The following TENM4 variants were observed in gnomAD, a reference collection of about 807,000 sequenced individuals.
The protein encoded by TENM4 is teneurin transmembrane protein 4, also known as teneurin-4.
In TENM4, 82 loss-of-function variants were observed where a neutral mutation model predicts 243.3. That is an observed-to-expected ratio of 0.34 (90% CI 0.28 to 0.40). The LOEUF is 0.40. Ranked by LOEUF, TENM4 falls within the 10% of genes least tolerant of loss-of-function variation. The pLI is 1.00. For missense variants in TENM4, 3,138 were observed against 3,673.3 expected, an observed-to-expected ratio of 0.85 and a Z score of 3.77; for synonymous variants, 1,412 against 1,456.3, an observed-to-expected ratio of 0.97 and a Z score of 0.69.
intron 23 of TENM4, among the ~76,000 whole-genome samples, chr11:78,723,903 C>T (rs1485940364): frequency 6.6e-6 from 1 of 152,106 alleles, no homozygotes; most frequent in Non-Finnish European, 1.5e-5. Context: ...AAAGTTTGTA[C>T]TTTGTTAGGT....
chr11:78,674,910 G>C (rs954662625), intron 30 of TENM4, among the ~76,000 whole-genome samples: 6 of 151,816 alleles, frequency 4.0e-5, no homozygotes, highest in Non-Finnish European at 8.8e-5. Flanking sequence ...CTGTCGCCCA[G>C]GCTGGAGTGC....
At chr11:78,882,932 T>A (rs1855463770) in intron 9 of TENM4, among the ~76,000 whole-genome samples, 1 of 152,228 alleles carries the variant, frequency 6.6e-6, no homozygotes, top group Non-Finnish European at 1.5e-5. Context: ...TGCAACCTAA[T>A]TTAAGAAAGG....
intron 12 of TENM4, among the ~76,000 whole-genome samples, chr11:78,840,185 A>G (rs1858221450): frequency 6.6e-6 from 1 of 152,236 alleles, no homozygotes; most frequent in Non-Finnish European, 1.5e-5. Flanking sequence ...GCGTGCACTT[A>G]CAGGCCTGAG....
At chr11:78,728,517 C>T (rs12799814) in intron 22 of TENM4, among the ~76,000 whole-genome samples, 3 of 151,666 alleles carry the variant, frequency 2.0e-5, no homozygotes, top group African/African-American at 7.3e-5. Flanking sequence ...CCTCCCTTCC[C>T]TCTTCCCGCC....
chr11:79,009,142 T>C (rs1354387151), intron 6 of TENM4, among the ~76,000 whole-genome samples: 1 of 152,200 alleles, frequency 6.6e-6, no homozygotes, highest in Non-Finnish European at 1.5e-5. Flanking sequence ...TTTTTACCAA[T>C]TTGTTATTCC....
rs755248479 is a variant in TENM4 at position 78,729,595 on chromosome 11, A to G, written c.3187T>C (p.Tyr1063His). 2.5e-6 allele frequency: 4 copies of G among 1,613,490 alleles called. No homozygotes were observed. The South Asian group carries it at 3.3e-5, about 13-fold the overall frequency. The part of the protein sequence containing the change: ...SISGCKMRLS[Y>H]LSSRTPGYKS... ...TAGCCAGGGGTCCGGCTGCTCAGGT[A>G]GCTCAGCCTCATCTTGCAGCCAGAG... Residue 1063 changes from tyrosine to histidine, a missense_variant, in exon 22 of 34, where the codon TAC (tyrosine) becomes CAC (histidine). Coordinates refer to ENST00000278550, the MANE Select transcript of TENM4 (RefSeq NM_001098816.3).
At chr11:79,015,301 T>C (rs947581545) in intron 6 of TENM4, among the ~76,000 whole-genome samples, 1 of 152,188 alleles carries the variant, frequency 6.6e-6, no homozygotes, top group African/African-American at 2.4e-5. Flanking sequence ...TCTAAGCCAC[T>C]GCAATCTCAA....
intron 2 of TENM4, among the ~76,000 whole-genome samples, chr11:79,232,517 C>T (rs997726890): frequency 6.6e-6 from 1 of 152,168 alleles, no homozygotes; most frequent in Non-Finnish European, 1.5e-5. Context: ...TGGCAGCTGG[C>T]CCATTTATTA....
chr11:79,217,696 C>T (rs1864079276), intron 2 of TENM4, among the ~76,000 whole-genome samples: 1 of 152,054 alleles, frequency 6.6e-6, no homozygotes, highest in African/African-American at 2.4e-5. Context: ...TCTCCAGAGA[C>T]TGGCTCTTGA....
chr11:78,855,967 T>A lies in TENM4; in HGVS notation c.1467A>T (p.Thr489=), dbSNP rs373578158. 2 of 1,551,190 alleles carry A rather than the reference T, an allele frequency of 1.3e-6. No individual in the cohort carries two copies. The highest frequency in any genetic ancestry group is 2.7e-5 in the African/African-American group (2 of 73,028). Residue 489 remains threonine, a synonymous_variant, in exon 11 of 34, where the codon ACA becomes ACT. Coordinates refer to ENST00000278550, the MANE Select transcript of TENM4 (RefSeq NM_001098816.3). ...YGRKGLPPSH[T]QFDFVELLDG... is the part of the protein sequence containing the mutation. ...GGGTATGTGGGGTTCTGGTTACCTGTGTATGTGAAGGAGGGAGGCCTTTTC... is the reference window on the plus strand; with the variant it reads ...GGGTATGTGGGGTTCTGGTTACCTGAGTATGTGAAGGAGGGAGGCCTTTTC...
chr11:79,003,117 AAAG>A (rs1858375982), intron 6 of TENM4, among the ~76,000 whole-genome samples: 1 of 152,226 alleles, frequency 6.6e-6, no homozygotes, highest in Non-Finnish European at 1.5e-5. Context: ...AAAAAAGAAG[AAAG>A]AAGAATGAAC....
intron 2 of TENM4, among the ~76,000 whole-genome samples, chr11:79,252,747 G>T (rs1269132371): frequency 6.6e-6 from 1 of 152,154 alleles, no homozygotes; most frequent in Non-Finnish European, 1.5e-5. Flanking sequence ...CTGCTGCCAT[G>T]AAAAGAATGT....
At chr11:78,728,883 C>T (rs1284311100) in intron 22 of TENM4, among the ~76,000 whole-genome samples, 4 of 152,104 alleles carry the variant, frequency 2.6e-5, no homozygotes, top group African/African-American at 9.7e-5. Flanking sequence ...ACTTCTGTTT[C>T]ATCTTACAAA....
chr11:79,398,801 G>T (rs569078280), intron 1 of TENM4, among the ~76,000 whole-genome samples: 3 of 143,680 alleles, frequency 2.1e-5, no homozygotes, highest in African/African-American at 7.7e-5. Context: ...GGAGATGGAA[G>T]ACAGATAAGG....
chr11:79,335,231 C>G (rs1857127975), intron 1 of TENM4, among the ~76,000 whole-genome samples: 1 of 152,178 alleles, frequency 6.6e-6, no homozygotes, highest in African/African-American at 2.4e-5. Context: ...GCTACAGAAC[C>G]TGACAGGTCT....
chr11:79,427,393 T>C lies in TENM4; in HGVS notation c.-321+13116A>G, dbSNP rs115369594. On this transcript the variant is annotated intron_variant, in intron 1 of 33. Coordinates refer to ENST00000278550, the MANE Select transcript of TENM4 (RefSeq NM_001098816.3). ...AGAAAATTAGTTAAATAAATAATGGTATATCCTTATGAGGGAATACTACAT... is the reference window on the plus strand; with the variant it reads ...AGAAAATTAGTTAAATAAATAATGGCATATCCTTATGAGGGAATACTACAT... Among the ~76,000 whole-genome samples the C allele has an allele frequency of 3.2e-3, 489 of 152,306 alleles. 2 individuals carry two copies. The highest frequency in any genetic ancestry group is 0.011 in the African/African-American group (456 of 41,564).
At chr11:79,081,971 G>C (rs1341882319) in intron 4 of TENM4, among the ~76,000 whole-genome samples, 1 of 152,108 alleles carries the variant, frequency 6.6e-6, no homozygotes, top group Non-Finnish European at 1.5e-5. Flanking sequence ...CCTTGGGAAA[G>C]TCCCTGCATT....
chr11:78,832,892 G>A (rs189221749), intron 12 of TENM4, among the ~76,000 whole-genome samples: 3 of 152,242 alleles, frequency 2.0e-5, no homozygotes, highest in Admixed American at 1.3e-4. Flanking sequence ...TCCTTAACTC[G>A]GATTATTCTA....
intron 7 of TENM4, among the ~76,000 whole-genome samples, chr11:78,901,525 C>T (rs1855928927): frequency 6.6e-6 from 1 of 152,120 alleles, no homozygotes; most frequent in African/African-American, 2.4e-5. Flanking sequence ...CCTCTATCTT[C>T]CTTTCCTTGA....
Sources: allele counts gnomAD v4.1 joint callset (sites outside exome capture counted in the v4.1 genomes callset), GRCh38; gene constraint gnomAD v4.1.1; transcripts MANE v1.5; gene names NCBI Gene and HGNC (gene_info 2026-07-23, HGNC 2026-07-21).